RELN: variants seen among roughly 807,000 people sequenced by gnomAD.
RELN encodes the protein reelin.
RELN carries 108 observed loss-of-function variants against 427.6 expected under a neutral mutation model. The observed-to-expected ratio is 0.25, with a 90% confidence interval of 0.22 to 0.30. The LOEUF (loss-of-function observed/expected upper bound fraction) is 0.30. Among genes scored for constraint, RELN ranks in the 10% least tolerant of loss-of-function variants. RELN has a pLI of 1.00. For synonymous variants in RELN, 1,524 were observed against 1,513.4 expected (o/e 1.01, Z -0.16); for missense variants, 3,715 against 4,302.8 (o/e 0.86, Z 3.82).
At chr7:103,555,772 A>G (rs1210715415) in intron 38 of RELN, among the ~76,000 whole-genome samples, 1 of 152,194 alleles carries the variant, frequency 6.6e-6, no homozygotes, top group East Asian at 1.9e-4. Context: ...TGCGCCTGGC[A>G]CATTCCTTTT....
intron 58 of RELN, 26 bp downstream of exon 58, chr7:103,491,927 A>G (rs749104317): frequency 6.4e-7 from 1 of 1,551,092 alleles, no homozygotes; most frequent in Non-Finnish European, 8.9e-7. Flanking sequence ...AAGTTTGAAG[A>G]TAATGTTAAA....
intron 8 of RELN, among the ~76,000 whole-genome samples, chr7:103,709,499 G>A (rs979316679): frequency 6.6e-6 from 1 of 152,086 alleles, no homozygotes; most frequent in African/African-American, 2.4e-5. Context: ...GTTCATTGTT[G>A]TTACCCAGTT....
chr7:103,759,634 A>C (rs1239287732), intron 4 of RELN, among the ~76,000 whole-genome samples: 1 of 152,082 alleles, frequency 6.6e-6, no homozygotes, highest in Admixed American at 6.5e-5. Flanking sequence ...CACTATTTTC[A>C]CTCAGTGTGA....
In RELN at chr7:103,594,360, C is replaced by T; in HGVS notation, c.3672G>A (p.Gln1224=). Residue 1224 remains glutamine, a synonymous_variant, in exon 26 of 65, where the codon CAG becomes CAA. Coordinates refer to ENST00000428762, the MANE Select transcript of RELN (RefSeq NM_005045.4). ...VDDIIILSEK[Q]KQIIPVINPT... ...GATTGATAACTGGGATGATCTGCTT[C>T]TGCTTCTCGGACAGAATGATGATGT... is the stretch of plus-strand genomic sequence containing the variant. 1 of 1,614,030 alleles carries T rather than the reference C, an allele frequency of 6.2e-7. No homozygotes were observed. Among genetic ancestry groups the T allele is most frequent in the Non-Finnish European group, 8.5e-7 (1 of 1,179,914 alleles).
At chr7:103,836,168 T>C (rs888339078) in intron 2 of RELN, among the ~76,000 whole-genome samples, 3 of 152,078 alleles carry the variant, frequency 2.0e-5, no homozygotes, top group Admixed American at 6.5e-5. Context: ...GGTTTCACCA[T>C]GTTGGCCAGG....
intron 11 of RELN, among the ~76,000 whole-genome samples, chr7:103,672,928 CTA>C (rs1012769360): frequency 6.6e-6 from 1 of 152,012 alleles, no homozygotes. Flanking sequence ...AACCTGAATT[CTA>C]TCTTATTTTA....
intron 22 of RELN, among the ~76,000 whole-genome samples, chr7:103,608,861 T>G (rs749998767): frequency 3.9e-5 from 6 of 152,190 alleles, no homozygotes; most frequent in Non-Finnish European, 7.3e-5. Context: ...ACTTTCTGAA[T>G]TTGCCTAAGC....
chr7:103,668,403 T>C (rs1270295354), intron 11 of RELN, among the ~76,000 whole-genome samples: 1 of 152,186 alleles, frequency 6.6e-6, no homozygotes, highest in Non-Finnish European at 1.5e-5. Context: ...TTGGCCTTTG[T>C]TATTCACACA....
intron 4 of RELN, among the ~76,000 whole-genome samples, chr7:103,753,518 C>G (rs1791058209): frequency 6.6e-6 from 1 of 152,118 alleles, no homozygotes; most frequent in Non-Finnish European, 1.5e-5. Context: ...GCCAATTATC[C>G]AATAATGAAT....
At chr7:103,849,574 C>G (rs1213988410) in intron 2 of RELN, among the ~76,000 whole-genome samples, 1 of 152,226 alleles carries the variant, frequency 6.6e-6, no homozygotes, top group Non-Finnish European at 1.5e-5. Context: ...CTGGGCTTAT[C>G]TATCATGACC....
chr7:103,553,638 T>C (rs770293688), intron 39 of RELN, 22 bp downstream of exon 39: 5 of 1,613,714 alleles, frequency 3.1e-6, no homozygotes, highest in Non-Finnish European at 4.2e-6. Flanking sequence ...AGTGGTTTTA[T>C]TTTTAGATTC....
rs1796380279 is a variant in RELN, at chr7:103,953,868, G to A, written c.226+35263C>T. 6.6e-6 allele frequency among the ~76,000 whole-genome samples: 1 copy of A among 152,254 alleles called. No individual in the cohort carries two copies. Among genetic ancestry groups the A allele is most frequent in the East Asian group, 1.9e-4 (1 of 5,188 alleles). On this transcript the variant is annotated intron_variant, in intron 1 of 64. Coordinates refer to ENST00000428762, the MANE Select transcript of RELN (RefSeq NM_005045.4). This position sits in a 1 kb window ranked among gnomAD's most constrained non-coding sequence, Gnocchi z 4.3. ...AATCCCCTCAACCCAGGAGGCAGAG[G>A]CTGCAATGAGTCAAGACCGTGCCAC...
chr7:103,833,847 A>G (rs956403760), intron 2 of RELN, among the ~76,000 whole-genome samples, 175 bp from the exon 3 acceptor site: 7 of 152,228 alleles, frequency 4.6e-5, no homozygotes, highest in African/African-American at 1.7e-4. Context: ...TAATCACTTA[A>G]AATATTATGG....
At chr7:103,883,669 A>T (rs1794658915) in intron 2 of RELN, among the ~76,000 whole-genome samples, 1 of 152,236 alleles carries the variant, frequency 6.6e-6, no homozygotes, top group Admixed American at 6.5e-5. Flanking sequence ...ATCATGAGTG[A>T]ACTACCATTC....
At chr7:103,520,954 GTTATTTTTTTTTTTTTTT>G (rs1290903332) in intron 48 of RELN, among the ~76,000 whole-genome samples, 1 of 78,190 alleles carries the variant, frequency 1.3e-5, no homozygotes, top group African/African-American at 5.0e-5. Flanking sequence ...CAGTAAATTT[GTTATTTTTTTTTTTTTTT>G]TTTTTTTTTT....
chr7:103,618,583 C>G (rs535170012), intron 20 of RELN, among the ~76,000 whole-genome samples: 2 of 152,300 alleles, frequency 1.3e-5, no homozygotes, highest in African/African-American at 4.8e-5. Flanking sequence ...TTCTCAGCAT[C>G]TGTTTCAGGC....
chr7:103,525,725 G>C (rs1378412827), intron 46 of RELN, among the ~76,000 whole-genome samples: 1 of 149,128 alleles, frequency 6.7e-6, no homozygotes, highest in African/African-American at 2.5e-5. Flanking sequence ...ATAAGCTTCT[G>C]AAGGGCAGAG....
At chr7:103,570,977 G>C (rs1282708543) in intron 31 of RELN, among the ~76,000 whole-genome samples, 2 of 152,092 alleles carry the variant, frequency 1.3e-5, no homozygotes, top group African/African-American at 4.8e-5. Context: ...AATATTTATT[G>C]AAGAGATTAG....
intron 17 of RELN, among the ~76,000 whole-genome samples, chr7:103,637,313 T>C (rs1832603756): frequency 6.6e-6 from 1 of 152,204 alleles, no homozygotes; most frequent in Admixed American, 6.5e-5. Flanking sequence ...TCAATTGGTA[T>C]CTTTTTGAGT....
Sources: gnomAD v4.1 joint callset for allele counts (sites outside exome capture counted in the v4.1 genomes callset) on GRCh38, gnomAD v4.1.1 for gene constraint, Gnocchi (gnomAD v3.1) non-coding constraint, MANE v1.5 for transcripts, NCBI Gene and HGNC (gene_info 2026-07-23, HGNC 2026-07-21) for gene names.